The following COMMD1 variants were observed in gnomAD, a reference collection of about 807,000 sequenced individuals.
COMMD1 encodes copper metabolism domain containing 1.
COMMD1 carries 10 observed loss-of-function variants against 17.2 expected under a neutral mutation model. The ratio of observed to expected loss-of-function variants is 0.58; its 90% CI spans 0.36 to 0.99. The LOEUF is 0.99. Ranked by LOEUF, COMMD1 falls within the 50% of genes least tolerant of loss-of-function variation. The pLI is 0.01. For missense variants in COMMD1, 270 were observed against 231.8 expected, an observed-to-expected ratio of 1.17 and a Z score of -1.07; for synonymous variants, 97 against 91.6, an observed-to-expected ratio of 1.06 and a Z score of -0.34.
chr2:61,905,505 G>C, upstream of COMMD1: 3 of 613,224 alleles, frequency 4.9e-6, no homozygotes, highest in Non-Finnish European at 8.5e-6. Flanking sequence ...GGTATCCTAA[G>C]GGGATGGGTG....
chr2:61,991,195 C>G (rs1672244959), intron 1 of COMMD1, among the ~76,000 whole-genome samples: 1 of 152,146 alleles, frequency 6.6e-6, no homozygotes, highest in African/African-American at 2.4e-5. Context: ...CTCTGAGCCC[C>G]TTGCTAATTT....
chr2:61,925,286 G>C (rs1373860021), intron 1 of COMMD1, among the ~76,000 whole-genome samples: 2 of 152,016 alleles, frequency 1.3e-5, no homozygotes, highest in African/African-American at 2.4e-5. Flanking sequence ...GAGAAAGGAC[G>C]AGAGGGAGAC....
intron 2 of COMMD1, among the ~76,000 whole-genome samples, chr2:62,043,169 G>A (rs1670287050): frequency 1.3e-5 from 2 of 152,194 alleles, no homozygotes; most frequent in Admixed American, 1.3e-4. Flanking sequence ...TATAGCTTCA[G>A]GCAAAGGGAA....
At chr2:62,046,948 A>T (rs541452713) in intron 2 of COMMD1, among the ~76,000 whole-genome samples, 5 of 152,284 alleles carry the variant, frequency 3.3e-5, no homozygotes, top group African/African-American at 1.2e-4. Context: ...TCCTACCACC[A>T]CCCCAAACTG....
intron 1 of COMMD1, among the ~76,000 whole-genome samples, chr2:61,944,249 C>T (rs1298593009): frequency 6.6e-6 from 1 of 151,930 alleles, no homozygotes; most frequent in African/African-American, 2.4e-5. Context: ...CTCAGGAGTT[C>T]AAGACCAGCC....
chr2:62,080,011 C>T (rs892231745), intron 2 of COMMD1, among the ~76,000 whole-genome samples: 9 of 152,158 alleles, frequency 5.9e-5, no homozygotes, highest in African/African-American at 2.2e-4. Context: ...AATTATACTT[C>T]CTGGAAAATG....
intron 1 of COMMD1, among the ~76,000 whole-genome samples, chr2:61,911,402 G>A (rs1009018689): frequency 2.0e-5 from 3 of 152,030 alleles, no homozygotes; most frequent in African/African-American, 7.2e-5. Context: ...CTTGAACCTG[G>A]GAGGTGGAGG....
At chr2:62,048,796 A>G (rs1174758804) in intron 2 of COMMD1, among the ~76,000 whole-genome samples, 1 of 152,100 alleles carries the variant, frequency 6.6e-6, no homozygotes, top group Non-Finnish European at 1.5e-5. Context: ...AGTATTTGGA[A>G]AACATTTCTT....
chr2:62,105,472 A>C (rs1672304378), intron 2 of COMMD1, among the ~76,000 whole-genome samples: 1 of 152,110 alleles, frequency 6.6e-6, no homozygotes, highest in Non-Finnish European at 1.5e-5. Flanking sequence ...AGAACATCAG[A>C]TCTCTGAAAC....
intron 2 of COMMD1, among the ~76,000 whole-genome samples, chr2:62,022,154 G>T (rs1669628299): frequency 6.6e-6 from 1 of 152,004 alleles, no homozygotes; most frequent in African/African-American, 2.4e-5. Context: ...GAATTTTCTT[G>T]TTTCATTTTA....
intron 2 of COMMD1, among the ~76,000 whole-genome samples, chr2:62,064,869 A>G (rs1670984119): frequency 6.6e-6 from 1 of 152,204 alleles, no homozygotes; most frequent in Non-Finnish European, 1.5e-5. Context: ...ATTTGGCATC[A>G]TAAAAATCTA....
At chr2:62,022,345 CT>C (rs768066931) in intron 2 of COMMD1, among the ~76,000 whole-genome samples, 272 of 140,690 alleles carry the variant, frequency 1.9e-3, no homozygotes, top group African/African-American at 4.6e-3. Context: ...GGTTTTGCTC[CT>C]TTTTTTTTTT....
chr2:61,983,318 T>C (rs568116351), intron 1 of COMMD1, among the ~76,000 whole-genome samples: 20 of 151,872 alleles, frequency 1.3e-4, no homozygotes, highest in African/African-American at 4.3e-4. Flanking sequence ...GCCTCCTGAG[T>C]AGTTAGGACT....
intron 2 of COMMD1, among the ~76,000 whole-genome samples, chr2:62,072,202 G>T (rs1053402667): frequency 6.6e-6 from 1 of 152,082 alleles, no homozygotes; most frequent in African/African-American, 2.4e-5. Context: ...GACAGGGGCG[G>T]GTCCCTGGTG....
At chr2:61,994,030 A>G (rs1214725476) in intron 1 of COMMD1, among the ~76,000 whole-genome samples, 2 of 151,762 alleles carry the variant, frequency 1.3e-5, no homozygotes, top group East Asian at 3.9e-4. Flanking sequence ...TCTGTCACCC[A>G]GGCTGAAGTG....
intron 2 of COMMD1, among the ~76,000 whole-genome samples, chr2:62,014,180 A>C (rs1217584383): frequency 6.6e-6 from 1 of 152,216 alleles, no homozygotes; most frequent in Non-Finnish European, 1.5e-5. Context: ...GCTTGCCAGC[A>C]CGCAGCCCCT....
chr2:62,011,739 A>G (rs1669283833), intron 2 of COMMD1, among the ~76,000 whole-genome samples: 1 of 152,202 alleles, frequency 6.6e-6, no homozygotes, highest in Admixed American at 6.5e-5. Context: ...TTTATCAGAG[A>G]TGGAAGAGCC....
chr2:62,009,708 T>G, intron 2 of COMMD1, among the ~76,000 whole-genome samples: 1 of 152,080 alleles, frequency 6.6e-6, no homozygotes, highest in Admixed American at 6.6e-5. Context: ...ATCTAAAACT[T>G]ATTATTGAAA....
At chr2:61,965,085 C>G (rs1278397977) in intron 1 of COMMD1, among the ~76,000 whole-genome samples, 1 of 151,884 alleles carries the variant, frequency 6.6e-6, no homozygotes, top group Admixed American at 6.6e-5. Flanking sequence ...TTTTCTGTAC[C>G]CTTTGTTACC....
Sources: allele counts gnomAD v4.1 joint callset (sites outside exome capture counted in the v4.1 genomes callset), GRCh38; gene constraint gnomAD v4.1.1; transcripts MANE v1.5; gene names NCBI Gene and HGNC (gene_info 2026-07-23, HGNC 2026-07-21).